The following ANKS1B variants were observed in gnomAD, a reference collection of about 807,000 sequenced individuals.
ANKS1B encodes the protein ankyrin repeat and sterile alpha motif domain containing 1B.
In ANKS1B, 36 loss-of-function variants were observed where a neutral mutation model predicts 148.3. The observed-to-expected ratio is 0.24, with a 90% CI of 0.19 to 0.32. The LOEUF is 0.32. ANKS1B is among the 10% of genes least tolerant of loss of function. The pLI is 1.00. For missense variants in ANKS1B, 1,157 were observed against 1,542.6 expected (o/e 0.75, Z 4.19); for synonymous variants, 542 against 560.8 (o/e 0.97, Z 0.47).
At chr12:99,273,393 T>TCATATCCA (rs2153990619) in intron 12 of ANKS1B, among the ~76,000 whole-genome samples, 1 of 152,222 alleles carries the variant, frequency 6.6e-6, no homozygotes, top group African/African-American at 2.4e-5. Flanking sequence ...TAGATAAATG[T>TCATATCCA]CATATCCACA....
At chr12:99,823,302 C>T (rs189106579) in intron 2 of ANKS1B, among the ~76,000 whole-genome samples, 2 of 152,010 alleles carry the variant, frequency 1.3e-5, no homozygotes, top group African/African-American at 4.8e-5. Flanking sequence ...TTAGGTCCCA[C>T]TTGTCAATTT....
intron 25 of ANKS1B, among the ~76,000 whole-genome samples, chr12:98,769,155 GTCT>G (rs1343166660): frequency 1.9e-5 from 2 of 106,656 alleles, no homozygotes; most frequent in East Asian, 3.5e-4. Context: ...GTATTATAGG[GTCT>G]TCTTTACTTT....
At chr12:99,656,399 A>G (rs1016712453) in intron 8 of ANKS1B, among the ~76,000 whole-genome samples, 6 of 152,172 alleles carry the variant, frequency 3.9e-5, no homozygotes, top group Non-Finnish European at 8.8e-5. Context: ...CACAAGAATC[A>G]TATATTTGAG....
At chr12:99,175,366 G>A (rs1030499913) in intron 14 of ANKS1B, among the ~76,000 whole-genome samples, 3 of 152,140 alleles carry the variant, frequency 2.0e-5, no homozygotes, top group Non-Finnish European at 4.4e-5. Flanking sequence ...AAGACATCTT[G>A]GGAAAGAGAC....
rs529347035 is a variant in ANKS1B, at chr12:99,694,550, T to C, written c.1129-39340A>G. On this transcript the variant is annotated intron_variant, in intron 8 of 26. Transcript: ENST00000683438. ...CAAAAAGTAATGACATTAAACATGA[T>C]ACTGTAAAAGATAAATAAAACCTCA... 2.4e-4 allele frequency among the ~76,000 whole-genome samples: 37 copies of C among 152,060 alleles called. 1 individual carries two copies. The highest frequency in any genetic ancestry group is 8.2e-4 in the African/African-American group (34 of 41,478).
At chr12:99,741,883 A>G (rs1601160226) in intron 8 of ANKS1B, among the ~76,000 whole-genome samples, 1 of 152,104 alleles carries the variant, frequency 6.6e-6, no homozygotes, top group Non-Finnish European at 1.5e-5. Flanking sequence ...CAGAACTTAA[A>G]GTATAATGAA....
intron 12 of ANKS1B, among the ~76,000 whole-genome samples, chr12:99,332,898 T>A (rs1428066815): frequency 1.3e-5 from 2 of 151,772 alleles, no homozygotes; most frequent in Non-Finnish European, 2.9e-5. Context: ...GATTGGGGTC[T>A]GGTGGTCAGA....
At chr12:98,915,623 G>A (rs560059203) in intron 17 of ANKS1B, among the ~76,000 whole-genome samples, 1 of 152,140 alleles carries the variant, frequency 6.6e-6, no homozygotes, top group Non-Finnish European at 1.5e-5. Flanking sequence ...ATAGTGCTGG[G>A]ATTACAGGCA....
intron 1 of ANKS1B, among the ~76,000 whole-genome samples, chr12:99,903,326 C>T (rs1385411369): frequency 6.6e-6 from 1 of 152,168 alleles, no homozygotes; most frequent in East Asian, 1.9e-4. Flanking sequence ...TCAAGCCACA[C>T]CAACTTAAGT....
intron 16 of ANKS1B, among the ~76,000 whole-genome samples, chr12:99,077,603 T>C (rs1459399333): frequency 6.6e-6 from 1 of 152,196 alleles, no homozygotes. Flanking sequence ...GTTGTACACT[T>C]TTCCGCTAAA....
At chr12:99,029,698 A>C (rs1428636673) in intron 17 of ANKS1B, among the ~76,000 whole-genome samples, 1 of 152,268 alleles carries the variant, frequency 6.6e-6, no homozygotes, top group Non-Finnish European at 1.5e-5. Context: ...AAATGTACTT[A>C]ATGTTTAACA....
At chr12:99,252,542 G>T (rs1360323839) in intron 12 of ANKS1B, among the ~76,000 whole-genome samples, 1 of 152,156 alleles carries the variant, frequency 6.6e-6, no homozygotes, top group East Asian at 1.9e-4. Flanking sequence ...AAACACAGAG[G>T]GGTGTAGCCA....
intron 14 of ANKS1B, among the ~76,000 whole-genome samples, chr12:99,186,378 T>C (rs1462624941): frequency 1.3e-5 from 2 of 152,200 alleles, no homozygotes; most frequent in Admixed American, 6.5e-5. Context: ...GGCACATTGA[T>C]TGAGCTCTGC....
rs867194060 is a variant in ANKS1B, at chr12:99,319,404, G to A, written c.1757-72540C>T. 1.2e-4 allele frequency among the ~76,000 whole-genome samples: 19 copies of A among 152,248 alleles called. 1 individual carries two copies. The highest frequency in any genetic ancestry group is 3.4e-3 in the Middle Eastern group (1 of 294). ...GATAGTTAGCTCTTCTTGTTGAATT[G>A]ATCCCTTTACCATTATGAAATGGCT... On this transcript the variant is annotated intron_variant, in intron 12 of 26. Transcript: ENST00000683438.
At chr12:99,003,602 T>C (rs1372235371) in intron 17 of ANKS1B, among the ~76,000 whole-genome samples, 3 of 152,226 alleles carry the variant, frequency 2.0e-5, no homozygotes, top group Non-Finnish European at 4.4e-5. Flanking sequence ...TTTTAACGTT[T>C]ACAGGAATTT....
At chr12:99,092,653 C>T (rs557901444) in intron 15 of ANKS1B, among the ~76,000 whole-genome samples, 9 of 152,198 alleles carry the variant, frequency 5.9e-5, no homozygotes, top group Admixed American at 3.9e-4. Context: ...CGCCCTTGTA[C>T]GTTCATCAAG....
chr12:98,864,110 A>G (rs968923182), intron 17 of ANKS1B, among the ~76,000 whole-genome samples: 2 of 150,326 alleles, frequency 1.3e-5, no homozygotes, highest in African/African-American at 4.9e-5. Flanking sequence ...GACCTGGCCT[A>G]CAATAGGTGT....
chr12:99,281,988 A>G (rs950199701), intron 12 of ANKS1B, among the ~76,000 whole-genome samples: 6 of 152,210 alleles, frequency 3.9e-5, no homozygotes, highest in Non-Finnish European at 7.3e-5. Flanking sequence ...TCCTGTTCTC[A>G]TGGAGATTAC....
chr12:99,775,467 A>G, intron 7 of ANKS1B, 81 bp downstream of exon 7: 1 of 873,420 alleles, frequency 1.1e-6, no homozygotes, highest in Non-Finnish European at 1.9e-6. Flanking sequence ...AGTATAGGAT[A>G]TAACCTATTA....
Sources: allele counts gnomAD v4.1 joint callset (sites outside exome capture counted in the v4.1 genomes callset), GRCh38; gene constraint gnomAD v4.1.1; transcripts MANE v1.5; gene names NCBI Gene and HGNC (gene_info 2026-07-23, HGNC 2026-07-21).